ZCCHC17: variants seen among roughly 807,000 people sequenced by gnomAD.
ZCCHC17 encodes the protein zinc finger CCHC-type containing 17, also known as zinc finger CCHC domain-containing protein 17.
A neutral mutation model predicts 30.6 loss-of-function variants in ZCCHC17; 18 were observed. The observed-to-expected ratio is 0.59, with a 90% CI of 0.41 to 0.87. The LOEUF is 0.87. Among genes scored for constraint, ZCCHC17 ranks in the 40% least tolerant of loss-of-function variants. ZCCHC17 has a pLI of 0.00. For synonymous variants in ZCCHC17, 88 were observed against 92.4 expected (o/e 0.95, Z 0.27); for missense variants, 263 against 284.2 (o/e 0.93, Z 0.54).
chr1:31,325,720 T>C (rs1025979065), intron 3 of ZCCHC17, among the ~76,000 whole-genome samples: 1 of 152,244 alleles, frequency 6.6e-6, no homozygotes. Context: ...GGAACAGGCC[T>C]AGTGGCCCCA....
chr1:31,360,633 T>G (rs1639847060), intron 7 of ZCCHC17, among the ~76,000 whole-genome samples: 1 of 152,200 alleles, frequency 6.6e-6, no homozygotes, highest in Admixed American at 6.5e-5. Context: ...CCTTGAGCCC[T>G]TCTTGCTAGC....
intron 3 of ZCCHC17, among the ~76,000 whole-genome samples, chr1:31,329,055 T>C (rs1469026596): frequency 6.6e-6 from 1 of 152,140 alleles, no homozygotes; most frequent in Non-Finnish European, 1.5e-5. Flanking sequence ...TGGTGACTAG[T>C]CCATCCTGAG....
chr1:31,307,474 A>G (rs1315023245), intron 1 of ZCCHC17, among the ~76,000 whole-genome samples: 2 of 150,764 alleles, frequency 1.3e-5, no homozygotes, highest in African/African-American at 2.4e-5. Flanking sequence ...CAGTGGCCCA[A>G]TCTTGGCCCA....
At chr1:31,346,514 T>A in intron 5 of ZCCHC17, 126 bp from the exon 6 acceptor site, 4 of 1,114,580 alleles carry the variant, frequency 3.6e-6, no homozygotes, top group Non-Finnish European at 5.0e-6. Context: ...TCTCGTTCTG[T>A]CAAAAACTTT....
At chr1:31,348,435 G>T (rs1639351983) in intron 6 of ZCCHC17, among the ~76,000 whole-genome samples, 1 of 152,134 alleles carries the variant, frequency 6.6e-6, no homozygotes, top group African/African-American at 2.4e-5. Context: ...TTTAGGGCTT[G>T]GCCTGCCACT....
intron 7 of ZCCHC17, among the ~76,000 whole-genome samples, chr1:31,351,606 G>A (rs1639472499): frequency 6.6e-6 from 1 of 152,114 alleles, no homozygotes; most frequent in Non-Finnish European, 1.5e-5. Context: ...GCTGGGCATG[G>A]TGGGGCACGG....
rs920559595 is a variant in ZCCHC17, at chr1:31,364,339, G to A, written c.*146G>A. On this transcript the variant is annotated 3_prime_UTR_variant, in exon 8 of 8. Coordinates refer to ENST00000344147, the MANE Select transcript of ZCCHC17 (RefSeq NM_016505.4). The stretch of plus-strand genomic sequence containing the variant: ...GGAGATGGCTTCCCCTCATGCAACA[G>A]GCAGGTTTGGGAGTTAGAGGTCAAA... The A allele has an allele frequency of 8.6e-6, 12 of 1,393,444 alleles. No individual in the cohort carries two copies. In the South Asian group the frequency reaches 1.7e-4, roughly 19 times the overall value. The allele number at this position is 1,393,444 out of a possible 1,614,324, so 86.3% of individuals were successfully genotyped here.
intron 3 of ZCCHC17, among the ~76,000 whole-genome samples, chr1:31,334,335 CTCTG>C (rs1638724424): frequency 1.8e-5 from 1 of 56,720 alleles, no homozygotes; most frequent in Non-Finnish European, 3.2e-5. Flanking sequence ...CTCTCTCTCT[CTCTG>C]TGTGTGTGTG....
intron 1 of ZCCHC17, among the ~76,000 whole-genome samples, chr1:31,297,911 G>C (rs558334272): frequency 2.1e-4 from 32 of 152,306 alleles, no homozygotes; most frequent in African/African-American, 7.5e-4. Flanking sequence ...GAGAATGAAG[G>C]GAGTATGGTA....
At chr1:31,328,279 G>A (rs1293179712) in intron 3 of ZCCHC17, among the ~76,000 whole-genome samples, 4 of 152,070 alleles carry the variant, frequency 2.6e-5, no homozygotes, top group Admixed American at 1.3e-4. Flanking sequence ...TTTGGGAGGC[G>A]AGGTAGGTGG....
chr1:31,305,165 G>T (rs896043352), intron 1 of ZCCHC17, among the ~76,000 whole-genome samples: 2 of 152,140 alleles, frequency 1.3e-5, no homozygotes, highest in Non-Finnish European at 2.9e-5. Context: ...TTCTTTGGGG[G>T]TTCTACTCCC....
intron 3 of ZCCHC17, chr1:31,336,973 C>T: frequency 2.3e-6 from 1 of 434,016 alleles, no homozygotes; most frequent in Non-Finnish European, 4.1e-6. Context: ...TGTGCCCGGC[C>T]ACTTTGAGCA....
At chr1:31,305,296 T>G (rs1020648463) in intron 1 of ZCCHC17, among the ~76,000 whole-genome samples, 2 of 152,078 alleles carry the variant, frequency 1.3e-5, no homozygotes, top group Admixed American at 1.3e-4. Flanking sequence ...TTTCTTTTTT[T>G]TGAGACAGGG....
At chr1:31,339,300 C>T (rs777544804) in intron 5 of ZCCHC17, among the ~76,000 whole-genome samples, 18 of 152,240 alleles carry the variant, frequency 1.2e-4, no homozygotes, top group Admixed American at 2.6e-4. Flanking sequence ...GAGTTTGAGA[C>T]CAGCCTGGCC....
chr1:31,355,042 G>T (rs191718133), intron 7 of ZCCHC17, among the ~76,000 whole-genome samples: 263 of 152,078 alleles, frequency 1.7e-3, no homozygotes, highest in Middle Eastern at 3.4e-3. Flanking sequence ...AGGCGTGGTG[G>T]CGAGGGCCTG....
chr1:31,300,474 T>G (rs1467944307), intron 1 of ZCCHC17, among the ~76,000 whole-genome samples: 3 of 152,214 alleles, frequency 2.0e-5, no homozygotes, highest in South Asian at 4.1e-4. Context: ...CATCCCTTTC[T>G]GCTTAAGTGG....
chr1:31,335,379 A>G (rs970131012), intron 3 of ZCCHC17, among the ~76,000 whole-genome samples: 1 of 152,202 alleles, frequency 6.6e-6, no homozygotes, highest in African/African-American at 2.4e-5. Flanking sequence ...TTAAAATATT[A>G]TTTGATTTAT....
At chr1:31,306,502 A>G (rs1278130496) in intron 1 of ZCCHC17, among the ~76,000 whole-genome samples, 1 of 152,236 alleles carries the variant, frequency 6.6e-6, no homozygotes, top group Non-Finnish European at 1.5e-5. Context: ...TCATCACACT[A>G]ATAAGAACAA....
At chr1:31,310,760 C>T (rs1321099611) in intron 2 of ZCCHC17, among the ~76,000 whole-genome samples, 1 of 152,228 alleles carries the variant, frequency 6.6e-6, no homozygotes, top group Non-Finnish European at 1.5e-5. Context: ...ACAGAACATA[C>T]TGAGACACTC....
Sources: gnomAD v4.1 joint callset for allele counts (sites outside exome capture counted in the v4.1 genomes callset) on GRCh38, gnomAD v4.1.1 for gene constraint, MANE v1.5 for transcripts, NCBI Gene and HGNC (gene_info 2026-07-23, HGNC 2026-07-21) for gene names.